Variants in RUNX2 observed in about 807,000 individuals in gnomAD.
RUNX2 encodes runt-related transcription factor 2.
In RUNX2, 10 loss-of-function variants were observed where a neutral mutation model predicts 51.7. The observed-to-expected ratio is 0.19, with a 90% CI of 0.12 to 0.33. The LOEUF (loss-of-function observed/expected upper bound fraction) is 0.33. Among genes scored for constraint, RUNX2 ranks in the 10% least tolerant of loss-of-function variants. RUNX2 has a pLI of 1.00. For synonymous variants in RUNX2, 276 were observed against 273.6 expected, an observed-to-expected ratio of 1.01 and a Z score of -0.09; for missense variants, 562 against 691.3, an observed-to-expected ratio of 0.81 and a Z score of 2.10.
At chr6:45,403,235 T>TC (rs1208693182) in intron 2 of RUNX2, among the ~76,000 whole-genome samples, 2 of 133,744 alleles carry the variant, frequency 1.5e-5, no homozygotes, top group African/African-American at 6.3e-5. Context: ...GTTTCTTTTT[T>TC]TTTTTTTTTT....
chr6:45,422,624 CT>C lies in RUNX2; in HGVS notation c.91del (p.Ser31ProfsTer9). 6.2e-7 allele frequency: 1 copy of C among 1,607,090 alleles called. No homozygotes were observed. Among genetic ancestry groups the C allele is most frequent in the Non-Finnish European group, 8.5e-7 (1 of 1,177,586 alleles). On this transcript the variant is annotated frameshift_variant, in exon 3 of 9. Transcript: ENST00000647337. LOFTEE classifies it high-confidence loss of function. ...GCACCAGCCGGCGCTTCAGCCCCCCCTCCAGCAGCCTGCAGCCCGGCAAAAT... is the reference window on the plus strand; with the variant it reads ...GCACCAGCCGGCGCTTCAGCCCCCCCCCAGCAGCCTGCAGCCCGGCAAAAT... Reference protein sequence around the residue: ...PSTSRRFSPPSSSLQPGKMSD... With the variant: ...PSTSRRFSPPXSSLQPGKMSD...
rs2150454779 is a variant in RUNX2 at position 45,547,650 on chromosome 6, G to C, written c.*345G>C. 3.1e-6 allele frequency: 1 copy of C among 325,954 alleles called. No homozygotes were observed. The highest frequency in any genetic ancestry group is 2.2e-5 in the African/African-American group (1 of 46,256). The allele number at this position is 325,954 out of a possible 1,614,324, so 20.2% of individuals were successfully genotyped here. On this transcript the variant is annotated 3_prime_UTR_variant, in exon 9 of 9. Transcript: ENST00000647337. ...TGTTCATATGCCAATTCAGAGAGGT[G>C]GACTCCAGGTTCAGGAGGGAGAAGA...
Position 45,430,243 on chromosome 6 carries a change from C to T in RUNX2, c.424-1620C>T, listed in dbSNP as rs1277040597. Among the ~76,000 whole-genome samples, 3 of 152,040 alleles carry T rather than the reference C, an allele frequency of 2.0e-5. No homozygotes were observed. The East Asian group carries it at 5.8e-4, about 29-fold the overall frequency. On this transcript the variant is annotated intron_variant, in intron 3 of 8. Coordinates refer to ENST00000647337, the MANE Select transcript of RUNX2 (RefSeq NM_001024630.4). ...TAATCTGGACTCCTAGGAGTGAGTC[C>T]CTCAGCTTTGGCCTGGTATATTTAA... is the stretch of plus-strand genomic sequence containing the variant.
chr6:45,471,002 A>G (rs1359594800), intron 5 of RUNX2, among the ~76,000 whole-genome samples: 1 of 152,184 alleles, frequency 6.6e-6, no homozygotes, highest in Non-Finnish European at 1.5e-5. Flanking sequence ...CTTACATAAT[A>G]ATGGCATTGT....
intron 5 of RUNX2, among the ~76,000 whole-genome samples, chr6:45,450,019 T>A: frequency 6.6e-6 from 1 of 152,198 alleles, no homozygotes. Flanking sequence ...CTGTGATAGA[T>A]AATGCTGGTA....
chr6:45,423,841 G>A (rs1442685681), intron 3 of RUNX2, among the ~76,000 whole-genome samples: 2 of 152,200 alleles, frequency 1.3e-5, no homozygotes, highest in East Asian at 3.9e-4. Flanking sequence ...TGGGAGGCGC[G>A]GGCCAGGGGA....
At chr6:45,488,182 A>G (rs1355330710) in intron 5 of RUNX2, among the ~76,000 whole-genome samples, 1 of 152,222 alleles carries the variant, frequency 6.6e-6, no homozygotes, top group Non-Finnish European at 1.5e-5. Flanking sequence ...TATAGCATTC[A>G]GAAAGAAATG....
chr6:45,471,101 A>C (rs1355607809), intron 5 of RUNX2, among the ~76,000 whole-genome samples: 1 of 152,146 alleles, frequency 6.6e-6, no homozygotes, highest in African/African-American at 2.4e-5. Context: ...GGACGTGGAC[A>C]CTTGGGGGTT....
intron 5 of RUNX2, among the ~76,000 whole-genome samples, chr6:45,465,931 C>T (rs901469538): frequency 3.9e-5 from 6 of 151,940 alleles, no homozygotes; most frequent in East Asian, 3.9e-4. Context: ...TAGGCGTGAG[C>T]GACTGTACCC....
rs749426825 is a variant in RUNX2, at chr6:45,512,387, A to C, written c.1001A>C (p.Asp334Ala). 6.2e-7 allele frequency: 1 copy of C among 1,613,880 alleles called. No individual in the cohort carries two copies. Among genetic ancestry groups the C allele is most frequent in the Non-Finnish European group, 8.5e-7 (1 of 1,179,992 alleles). Residue 334 changes from aspartate (D) to alanine (A), a missense_variant, in exon 7 of 9, where the codon GAT (aspartate) becomes GCT (alanine). Transcript: ENST00000647337. Reference sequence around the variant, plus strand: ...GGCACTGGGCTTCCTGCCATCACCGATGTGCCTAGGCGCATTTCAGGTAAA... The same window carrying C: ...GGCACTGGGCTTCCTGCCATCACCGCTGTGCCTAGGCGCATTTCAGGTAAA... The part of the protein sequence containing the change: ...TRGTGLPAIT[D>A]VPRRISDDDT...
chr6:45,519,814 G>A (rs1215719597), intron 7 of RUNX2, among the ~76,000 whole-genome samples: 3 of 146,198 alleles, frequency 2.1e-5, no homozygotes, highest in African/African-American at 7.5e-5. Flanking sequence ...GTGTGTGTGT[G>A]TGTGTGTGTG....
intron 7 of RUNX2, among the ~76,000 whole-genome samples, chr6:45,525,446 C>T (rs562306642): frequency 6.6e-6 from 1 of 152,328 alleles, no homozygotes; most frequent in Admixed American, 6.5e-5. Context: ...ACATTCATAG[C>T]ATCGTTGACA....
At chr6:45,510,315 G>C (rs1300226277) in intron 6 of RUNX2, among the ~76,000 whole-genome samples, 1 of 152,220 alleles carries the variant, frequency 6.6e-6, no homozygotes, top group East Asian at 1.9e-4. Flanking sequence ...GCAAACTCAG[G>C]TAAATGTTCT....
Position 45,499,114 on chromosome 6 carries a change from A to G in RUNX2, c.859+7000A>G, listed in dbSNP as rs115930365. On this transcript the variant is annotated intron_variant, in intron 6 of 8. Transcript: ENST00000647337. ...CTTCACAGTCACTGTGGTCCTGCTC[A>G]CTTGTAGGCAACTTGTGTCAAGGAA... Among the ~76,000 whole-genome samples, 580 of 152,342 alleles carry G rather than the reference A, an allele frequency of 3.8e-3. 3 individuals are homozygous for G. The highest frequency in any genetic ancestry group is 0.013 in the African/African-American group (542 of 41,570).
rs754208599 is a variant in RUNX2 at position 45,348,512 on chromosome 6, C to CAAAAAAAAAAAAAAAA, written c.58+19740_58+19741insAAAAAAAAAAAAAAAA. 1.9e-3 allele frequency among the ~76,000 whole-genome samples: 208 copies of CAAAAAAAAAAAAAAAA among 110,304 alleles called. 7 individuals carry two copies. The highest frequency in any genetic ancestry group is 7.0e-3 in the African/African-American group (192 of 27,278). 72.4% of individuals were successfully genotyped at this position (110,304 alleles called of 152,430 possible). On this transcript the variant is annotated intron_variant, in intron 2 of 8. Coordinates refer to ENST00000647337, the MANE Select transcript of RUNX2 (RefSeq NM_001024630.4). ...TGAAACCCCGTCTCTACTAAAAATA[C>CAAAAAAAAAAAAAAAA]AAAAAAAAAAAAGTTATCCAGGTAT...
chr6:45,416,673 G>A (rs952247051), intron 2 of RUNX2, among the ~76,000 whole-genome samples: 2 of 152,186 alleles, frequency 1.3e-5, no homozygotes, highest in Non-Finnish European at 2.9e-5. Context: ...TGACTCCTGG[G>A]TAATGAATTA....
At chr6:45,391,122 G>A (rs1266889750) in intron 2 of RUNX2, among the ~76,000 whole-genome samples, 1 of 152,150 alleles carries the variant, frequency 6.6e-6, no homozygotes, top group Admixed American at 6.5e-5. Context: ...ATAGGTACAA[G>A]ATTCTATGTG....
At chr6:45,415,870 T>A (rs901713517) in intron 2 of RUNX2, among the ~76,000 whole-genome samples, 2 of 152,002 alleles carry the variant, frequency 1.3e-5, no homozygotes, top group Non-Finnish European at 2.9e-5. Context: ...AACTGATAAC[T>A]GGCACACCTA....
rs745887977 is a variant in RUNX2, at chr6:45,328,418, A to G, written c.-109A>G. The G allele has an allele frequency of 7.0e-7, 1 of 1,435,368 alleles. No homozygotes were observed. Among genetic ancestry groups the G allele is most frequent in the South Asian group, 1.1e-5 (1 of 88,660 alleles). The allele number at this position is 1,435,368 out of a possible 1,614,324, so 88.9% of individuals were successfully genotyped here. A position where few individuals can be genotyped will look rare whatever the true frequency, so the allele number is the denominator to read the frequency against. On this transcript the variant is annotated 5_prime_UTR_variant, in exon 1 of 9. Coordinates refer to ENST00000647337, the MANE Select transcript of RUNX2 (RefSeq NM_001024630.4). ...AGAAGTCTCTGGTTTTTAAATGGTT[A>G]ATCTCCGCAGGTCACTACCAGCCAC...
Sources: allele counts gnomAD v4.1 joint callset (sites outside exome capture counted in the v4.1 genomes callset), GRCh38; gene constraint gnomAD v4.1.1; transcripts MANE v1.5; gene names NCBI Gene and HGNC (gene_info 2026-07-23, HGNC 2026-07-21).